STAG1: variants seen among roughly 807,000 people sequenced by gnomAD.
The protein encoded by STAG1 is cohesin subunit SA-1.
A neutral mutation model predicts 170.9 loss-of-function variants in STAG1; 26 were observed. The ratio of observed to expected loss-of-function variants is 0.15; its 90% confidence interval spans 0.11 to 0.21. STAG1 has a LOEUF of 0.21. STAG1 is among the 10% of genes least tolerant of loss of function. The pLI is 1.00. For missense variants in STAG1, 964 were observed against 1,509.5 expected (o/e 0.64, Z 5.99); for synonymous variants, 514 against 497.7 (o/e 1.03, Z -0.44).
At chr3:136,720,519 G>A (rs1933180365) in intron 1 of STAG1, among the ~76,000 whole-genome samples, 1 of 152,166 alleles carries the variant, frequency 6.6e-6, no homozygotes, top group Non-Finnish European at 1.5e-5. Context: ...GCTGAGCACG[G>A]TGGCTCACAC....
intron 4 of STAG1, among the ~76,000 whole-genome samples, chr3:136,588,210 G>T (rs1937940252): frequency 6.6e-6 from 1 of 152,098 alleles, no homozygotes; most frequent in Non-Finnish European, 1.5e-5. Flanking sequence ...TATACACATG[G>T]CTGGTCTGAT....
intron 1 of STAG1, among the ~76,000 whole-genome samples, chr3:136,662,683 G>A (rs562638879): frequency 2.6e-5 from 4 of 152,196 alleles, no homozygotes; most frequent in Non-Finnish European, 4.4e-5. Context: ...GGGCTCAAGC[G>A]AGTCCCCTGC....
intron 3 of STAG1, among the ~76,000 whole-genome samples, chr3:136,616,652 TA>T: frequency 6.6e-6 from 1 of 152,276 alleles, no homozygotes; most frequent in East Asian, 1.9e-4. Context: ...CTCATGCCTG[TA>T]ATCCAGCACT....
At chr3:136,529,313 A>T (rs1935243770) in intron 6 of STAG1, among the ~76,000 whole-genome samples, 1 of 152,196 alleles carries the variant, frequency 6.6e-6, no homozygotes, top group Non-Finnish European at 1.5e-5. Flanking sequence ...TAAGATCCAA[A>T]AAGGTCTTCT....
At chr3:136,647,081 C>T (rs531072872) in intron 1 of STAG1, among the ~76,000 whole-genome samples, 298 of 152,106 alleles carry the variant, frequency 2.0e-3, no homozygotes, top group African/African-American at 6.8e-3. Context: ...TAAATAGGTA[C>T]AATTGTGTCA....
intron 3 of STAG1, among the ~76,000 whole-genome samples, chr3:136,616,073 C>T (rs958724527): frequency 6.6e-6 from 1 of 151,970 alleles, no homozygotes; most frequent in South Asian, 2.1e-4. Context: ...TCAAGACCAT[C>T]CTGGTTAACA....
chr3:136,497,559 G>A (rs1028278463), intron 9 of STAG1, among the ~76,000 whole-genome samples: 2 of 152,040 alleles, frequency 1.3e-5, no homozygotes, highest in East Asian at 1.9e-4. Flanking sequence ...AGAAACTTCC[G>A]GCTGGGCGCG....
intron 21 of STAG1, among the ~76,000 whole-genome samples, chr3:136,402,224 A>T (rs1256073781): frequency 1.3e-5 from 2 of 151,088 alleles, no homozygotes; most frequent in African/African-American, 4.9e-5. Context: ...ATTTAATTTA[A>T]TTTTTTTGGG....
At chr3:136,638,970 TCA>T (rs773931495) in intron 1 of STAG1, among the ~76,000 whole-genome samples, 3 of 152,044 alleles carry the variant, frequency 2.0e-5, no homozygotes, top group African/African-American at 4.8e-5. Context: ...ATTAAAAATG[TCA>T]CAGTCTTTAA....
intron 1 of STAG1, among the ~76,000 whole-genome samples, chr3:136,730,298 A>C (rs146554297): frequency 1.3e-5 from 2 of 152,306 alleles, no homozygotes; most frequent in African/African-American, 4.8e-5. Context: ...GGAACTGCTA[A>C]ATTTCAGTTA....
intron 13 of STAG1, among the ~76,000 whole-genome samples, chr3:136,460,051 G>C (rs1171434944): frequency 6.6e-6 from 1 of 151,942 alleles, no homozygotes; most frequent in Non-Finnish European, 1.5e-5. Context: ...ATGTAATTAA[G>C]ACTAAATACA....
chr3:136,473,239 C>T (rs2089668912), intron 11 of STAG1, among the ~76,000 whole-genome samples: 1 of 152,082 alleles, frequency 6.6e-6, no homozygotes, highest in African/African-American at 2.4e-5. Context: ...TGCAATGATT[C>T]TACCTTATGG....
At chr3:136,554,773 T>A (rs1007850590) in intron 5 of STAG1, among the ~76,000 whole-genome samples, 9 of 151,968 alleles carry the variant, frequency 5.9e-5, no homozygotes, top group Non-Finnish European at 1.3e-4. Context: ...CACACACTTG[T>A]GGTCCCAGCT....
intron 1 of STAG1, among the ~76,000 whole-genome samples, chr3:136,672,114 G>A (rs1941996749): frequency 6.6e-6 from 1 of 152,120 alleles, no homozygotes; most frequent in Admixed American, 6.5e-5. Flanking sequence ...GTTTACCAAA[G>A]CAAGGATTCC....
At chr3:136,394,335 T>A (rs994860797) in intron 22 of STAG1, among the ~76,000 whole-genome samples, 2 of 152,240 alleles carry the variant, frequency 1.3e-5, no homozygotes, top group Non-Finnish European at 2.9e-5. Context: ...CCTGGACTTT[T>A]AAAGAAACTA....
At chr3:136,623,517 A>G (rs1307982915) in intron 2 of STAG1, among the ~76,000 whole-genome samples, 1 of 152,208 alleles carries the variant, frequency 6.6e-6, no homozygotes, top group Non-Finnish European at 1.5e-5. Flanking sequence ...AATGCAAAAT[A>G]TAACTGCAAA....
intron 2 of STAG1, among the ~76,000 whole-genome samples, chr3:136,628,419 C>A (rs1940197768): frequency 6.6e-6 from 1 of 152,120 alleles, no homozygotes; most frequent in African/African-American, 2.4e-5. Context: ...TTCCTCCCTA[C>A]TCACAGTTTA....
rs67810422 is a variant in STAG1 at position 136,633,962 on chromosome 3, T to TAAAAAAAAAAAAAAAAAA, written c.-83-2999_-83-2982dup. On this transcript the variant is annotated intron_variant, in intron 1 of 33. Coordinates refer to ENST00000383202, the MANE Select transcript of STAG1 (RefSeq NM_005862.3). ...AACATGGTGAAACCCTGTCTCTACT[T>TAAAAAAAAAAAAAAAAAA]AAAAAAAAAAAAAAAAAAAAAAAAA... 6.6e-4 allele frequency among the ~76,000 whole-genome samples: 33 copies of TAAAAAAAAAAAAAAAAAA among 50,356 alleles called. 11 individuals are homozygous for TAAAAAAAAAAAAAAAAAA. The highest frequency in any genetic ancestry group is 1.3e-3 in the Non-Finnish European group (30 of 23,598). 33.0% of individuals were successfully genotyped at this position (50,356 alleles called of 152,430 possible). A position where few individuals can be genotyped will look rare whatever the true frequency, so the allele number is the denominator to read the frequency against.
chr3:136,606,645 T>C (rs1016869836), intron 3 of STAG1, among the ~76,000 whole-genome samples: 2 of 152,166 alleles, frequency 1.3e-5, no homozygotes, highest in African/African-American at 4.8e-5. Flanking sequence ...TTGAGAAATA[T>C]TGATCAGGCA....
Sources: allele counts gnomAD v4.1 joint callset (sites outside exome capture counted in the v4.1 genomes callset), GRCh38; gene constraint gnomAD v4.1.1; transcripts MANE v1.5; gene names NCBI Gene and HGNC (gene_info 2026-07-23, HGNC 2026-07-21).